The following CCDC47 variants were observed in gnomAD, a reference collection of about 807,000 sequenced individuals.
CCDC47 encodes the protein PAT complex subunit CCDC47.
Under a neutral mutation model 60.5 loss-of-function variants are expected in CCDC47, and 41 were observed. That is an observed-to-expected ratio of 0.68 (90% CI 0.53 to 0.88). CCDC47 has a LOEUF of 0.88. Ranked by LOEUF, CCDC47 falls within the 40% of genes least tolerant of loss-of-function variation. CCDC47 has a pLI of 0.00. For synonymous variants in CCDC47, 195 were observed against 190.7 expected, an observed-to-expected ratio of 1.02 and a Z score of -0.18; for missense variants, 513 against 580.9, an observed-to-expected ratio of 0.88 and a Z score of 1.20.
chr17:63,754,478 G>T lies in CCDC47; in HGVS notation c.989C>A (p.Ser330Tyr). 6.2e-7 allele frequency: 1 copy of T among 1,609,544 alleles called. No homozygotes were observed. The highest frequency in any genetic ancestry group is 1.1e-5 in the South Asian group (1 of 90,690). The part of the protein sequence containing the change: ...FLTHYADKIE[S>Y]VHFSDQFSGP... ...AGAGAACTGGTCTGAAAAATGAACA[G>T]ATTCAATCTTGTCAGCATAGTGTGT... The change falls in exon 9 of 13, where the codon TCT becomes TAT. Residue 330 changes from serine (S) to tyrosine (Y), a missense_variant. By Grantham distance (144) the Ser-to-Tyr change is moderately radical. Transcript: ENST00000225726.
At chr17:63,771,356 T>C (rs938964705) in intron 1 of CCDC47, among the ~76,000 whole-genome samples, 2 of 152,188 alleles carry the variant, frequency 1.3e-5, no homozygotes, top group Non-Finnish European at 2.9e-5. Context: ...CCATTTTATA[T>C]AAGGGACTTG....
rs59161342 is a variant in CCDC47 at position 63,751,365 on chromosome 17, C to CAAAAAAAAAAAAAAAAAAAAAAAAA, written c.1371+550_1371+574dup. On this transcript the variant is annotated intron_variant, in intron 12 of 12. Transcript: ENST00000225726. ...TGGGTGACAGAGTGAGACTCCATCT[C>CAAAAAAAAAAAAAAAAAAAAAAAAA]AAAAAAAAAAAAAAAAAAAAAAAAA... Among the ~76,000 whole-genome samples the CAAAAAAAAAAAAAAAAAAAAAAAAA allele has an allele frequency of 1.7e-4, 5 of 29,512 alleles. 1 individual carries two copies. The highest frequency in any genetic ancestry group is 4.4e-4 in the African/African-American group (4 of 9,076). The allele number at this position is 29,512 out of a possible 152,430, so 19.4% of individuals were successfully genotyped here.
At chr17:63,752,299 A>G (rs1383539198) in intron 11 of CCDC47, 21 bp downstream of exon 11, 5 of 1,540,982 alleles carry the variant, frequency 3.2e-6, no homozygotes, top group Non-Finnish European at 4.5e-6. Flanking sequence ...CAATTTATAT[A>G]ATACAGGCAT....
At chr17:63,759,554 TA>T (rs1568249185) in intron 6 of CCDC47, among the ~76,000 whole-genome samples, 2 of 36,322 alleles carry the variant, frequency 5.5e-5, no homozygotes, top group Non-Finnish European at 9.2e-5. Flanking sequence ...TATATATATA[TA>T]TATATATATA....
intron 8 of CCDC47, 104 bp downstream of exon 8, chr17:63,756,135 AC>A: frequency 4.1e-6 from 3 of 737,550 alleles, no homozygotes; most frequent in Non-Finnish European, 2.4e-6. Flanking sequence ...GGAATGTAAA[AC>A]TAATACATTG....
chr17:63,766,764 C>G, intron 1 of CCDC47: 1 of 924,914 alleles, frequency 1.1e-6, no homozygotes. Flanking sequence ...TTCTAAAACT[C>G]TGTCCATTTA....
At chr17:63,767,347 TA>T (rs1378239216) in intron 1 of CCDC47, among the ~76,000 whole-genome samples, 1 of 152,162 alleles carries the variant, frequency 6.6e-6, no homozygotes, top group East Asian at 1.9e-4. Context: ...AGTTTTCTAA[TA>T]CGTGAAAAAA....
Position 63,746,823 on chromosome 17 carries a change from G to C in CCDC47, c.*58C>G, listed in dbSNP as rs941719126. 2.3e-6 allele frequency: 3 copies of C among 1,301,300 alleles called. No individual in the cohort carries two copies. Among genetic ancestry groups the C allele is most frequent in the Non-Finnish European group, 3.3e-6 (3 of 898,274 alleles). The allele number at this position is 1,301,300 out of a possible 1,614,324, so 80.6% of individuals were successfully genotyped here. On this transcript the variant is annotated 3_prime_UTR_variant, in exon 13 of 13. Transcript: ENST00000225726. ...TGAGAAATGGACTGGCGTTTTTCAT[G>C]TTTCCTGTGAATTCAGAGCTTACAG...
At chr17:63,761,198 G>A in intron 5 of CCDC47, 32 bp downstream of exon 5, 1 of 1,613,452 alleles carries the variant, frequency 6.2e-7, no homozygotes, top group Non-Finnish European at 8.5e-7. Flanking sequence ...ATTAAGGGAA[G>A]ATATATATCG....
At position 63,752,769 on chromosome 17, in the gene CCDC47, A is replaced by G. The variant is rs760460106; in HGVS notation, c.1065T>C (p.Thr355=). The change falls in exon 10 of 13, where the codon ACT becomes ACC. Residue 355 remains threonine, a synonymous_variant. Transcript: ENST00000225726. ...EEGQPLKLPD[T]KRTLLFTFNV... ...TAAATGTAAACAACAGTGTCCTCTT[A>G]GTGTCAGGTAGCTTTAAAGGCTGAC... 1 of 1,612,722 alleles carries G rather than the reference A, an allele frequency of 6.2e-7. No individual in the cohort carries two copies. Among genetic ancestry groups the G allele is most frequent in the Non-Finnish European group, 8.5e-7 (1 of 1,179,408 alleles).
intron 4 of CCDC47, chr17:63,762,107 G>T: frequency 1.0e-6 from 1 of 984,720 alleles, no homozygotes; most frequent in Non-Finnish European, 1.2e-6. Flanking sequence ...ATGATAACTG[G>T]GTCTTACTAA....
Position 63,761,215 on chromosome 17 carries a change from A to T in CCDC47, c.669+15T>A, listed in dbSNP as rs760872911. On this transcript the variant is annotated intron_variant, in intron 5 of 12. Transcript: ENST00000225726. ...TAAGGGAAGATATATATCGTACAAGAAGTTTCCTACTTACCCTCAGCTGGA... is the reference window on the plus strand; with the variant it reads ...TAAGGGAAGATATATATCGTACAAGTAGTTTCCTACTTACCCTCAGCTGGA... The T allele has an allele frequency of 1.2e-6, 2 of 1,613,956 alleles. No homozygotes were observed. Among genetic ancestry groups the T allele is most frequent in the South Asian group, 2.2e-5 (2 of 91,094 alleles).
intron 1 of CCDC47, among the ~76,000 whole-genome samples, chr17:63,768,029 T>G (rs895494351): frequency 6.6e-6 from 1 of 152,202 alleles, no homozygotes. Context: ...ATCGTCTTAA[T>G]GCTCTCCCCA....
At position 63,756,521 on chromosome 17, in the gene CCDC47, G is replaced by C; in HGVS notation, c.785C>G (p.Ala262Gly). Residue 262 changes from alanine (A) to glycine (G), a missense_variant, in exon 7 of 13, where the codon GCT becomes GGT. Ala to Gly is a moderately conservative substitution (Grantham distance 60, BLOSUM62 0). Coordinates refer to ENST00000225726, the MANE Select transcript of CCDC47 (RefSeq NM_020198.3). ...NDEDMDTYVF[A>G]VGTRKALVRL... Reference sequence around the variant, plus strand: ...CACCAAGGCTTTCCGTGTGCCAACAGCAAATACGTAGGTATCCATGTCTTC... The same window carrying C: ...CACCAAGGCTTTCCGTGTGCCAACACCAAATACGTAGGTATCCATGTCTTC... 17 of 1,614,018 alleles carry C rather than the reference G, an allele frequency of 1.1e-5. No individual in the cohort carries two copies. The highest frequency in any genetic ancestry group is 1.4e-5 in the Non-Finnish European group (17 of 1,179,890).
intron 9 of CCDC47, chr17:63,753,573 A>G (rs964649505): frequency 2.2e-6 from 2 of 895,106 alleles, no homozygotes; most frequent in African/African-American, 3.6e-5. Context: ...GTAAATAAAT[A>G]TGCTCTCCTG....
At chr17:63,750,085 A>G (rs889976066) in intron 12 of CCDC47, among the ~76,000 whole-genome samples, 11 of 152,206 alleles carry the variant, frequency 7.2e-5, no homozygotes, top group African/African-American at 2.4e-4. Flanking sequence ...CAGATACTAT[A>G]AAGTGGTAGT....
At chr17:63,751,672 G>A (rs1017882100) in intron 12 of CCDC47, 3 of 546,938 alleles carry the variant, frequency 5.5e-6, no homozygotes, top group Non-Finnish European at 6.5e-6. Flanking sequence ...TGTTTGGCTC[G>A]AAAACTGATA....
chr17:63,760,216 A>G (rs2039247405), intron 6 of CCDC47, among the ~76,000 whole-genome samples: 1 of 151,956 alleles, frequency 6.6e-6, no homozygotes, highest in Non-Finnish European at 1.5e-5. Flanking sequence ...TCGGCCAGAA[A>G]CGTATTATTT....
chr17:63,761,210 A>C lies in CCDC47; in HGVS notation c.669+20T>G. ...AAAATTAAGGGAAGATATATATCGT[A>C]CAAGAAGTTTCCTACTTACCCTCAG... On this transcript the variant is annotated intron_variant, in intron 5 of 12. Transcript: ENST00000225726. 1 of 1,614,032 alleles carries C rather than the reference A, an allele frequency of 6.2e-7. No individual in the cohort carries two copies. Among genetic ancestry groups the C allele is most frequent in the Non-Finnish European group, 8.5e-7 (1 of 1,179,896 alleles).
Sources: allele counts gnomAD v4.1 joint callset (sites outside exome capture counted in the v4.1 genomes callset), GRCh38; gene constraint gnomAD v4.1.1; transcripts MANE v1.5; gene names NCBI Gene and HGNC (gene_info 2026-07-23, HGNC 2026-07-21).